Variants in AIFM3 observed in about 807,000 individuals in gnomAD.
AIFM3 encodes apoptosis-inducing factor 3.
In AIFM3, 71 loss-of-function variants were observed where a neutral mutation model predicts 82.7. That is an observed-to-expected ratio of 0.86 (90% confidence interval 0.71 to 1.05). The LOEUF (loss-of-function observed/expected upper bound fraction) is 1.05. Among genes scored for constraint, AIFM3 ranks in the 50% least tolerant of loss-of-function variants. The probability of loss-of-function intolerance (pLI) is 0.00; values close to 1 mark genes in which losing one functional copy is unlikely to be tolerated. For missense variants in AIFM3, 748 were observed against 816.7 expected, an observed-to-expected ratio of 0.92 and a Z score of 1.03; for synonymous variants, 337 against 329.1, an observed-to-expected ratio of 1.02 and a Z score of -0.26.
At position 20,974,799 on chromosome 22, in the gene AIFM3, C is replaced by T. The variant is rs553803201; in HGVS notation, c.703C>T (p.Arg235Cys). ...GCTAGACCGGCACCTTCCCTACGAC[C>T]GTCCCAAGCTCAGCAAGGTACAGGG... ...CTLDRHLPYD[R>C]PKLSKSLDTQ... The change falls in exon 8 of 21, where the codon CGT becomes TGT. Residue 235 changes from arginine (R) to cysteine (C), a missense_variant. Physicochemically the swap from Arg to Cys is radical, Grantham distance 180 (BLOSUM62 -3). This residue lies in a region of AIFM3 where 393 missense variants were observed against 481.1 expected (regional missense o/e 0.82). Coordinates refer to ENST00000440238, the MANE Select transcript of AIFM3 (RefSeq NM_001386814.1). The T allele has an allele frequency of 3.7e-6, 6 of 1,612,604 alleles. No homozygotes were observed. The highest frequency in any genetic ancestry group is 1.9e-4 in the Middle Eastern group (1 of 5,176).
At chr22:20,977,428 A>C (rs1467448659) in intron 14 of AIFM3, 6 of 601,932 alleles carry the variant, frequency 1.0e-5, no homozygotes, top group Non-Finnish European at 1.8e-5. Context: ...AGGTGGTAGC[A>C]CCTGCAGGGG....
At position 20,977,152 on chromosome 22, in the gene AIFM3, A is replaced by C. The variant is rs1923740519; in HGVS notation, c.1282+57A>C. On this transcript the variant is annotated intron_variant, in intron 14 of 20. Coordinates refer to ENST00000440238, the MANE Select transcript of AIFM3 (RefSeq NM_001386814.1). ...GCAGCCCAGCCGTCTGCACATGCTC[A>C]CATGTGACCTTGGGCTAGTCCCTTC... 6.2e-6 allele frequency: 10 copies of C among 1,601,982 alleles called. No homozygotes were observed. The South Asian group carries it at 1.1e-4, about 18-fold the overall frequency.
Position 20,980,046 on chromosome 22 carries a change from G to T in AIFM3, c.1679G>T (p.Ser560Ile), listed in dbSNP as rs767621376. ...GGCGACGAGGTGATCGCCGTGGCCA[G>T]CATGAACTACGATCCCATTGTGTCC... The part of the protein sequence containing the change: ...TKGDEVIAVA[S>I]MNYDPIVSKV... The change falls in exon 19 of 21, where the codon AGC becomes ATC. Residue 560 changes from serine to isoleucine, a missense_variant. Around this residue, in one of 5 missense-constraint regions of AIFM3, gnomAD observed 183 missense variants for 158.2 expected, o/e 1.16. Coordinates refer to ENST00000440238, the MANE Select transcript of AIFM3 (RefSeq NM_001386814.1). The T allele has an allele frequency of 2.5e-6, 4 of 1,611,258 alleles. No homozygotes were observed. Among genetic ancestry groups the T allele is most frequent in the African/African-American group, 1.3e-5 (1 of 74,940 alleles).
intron 2 of AIFM3, 24 bp downstream of exon 2, chr22:20,967,999 A>G (rs774770417): frequency 6.2e-7 from 1 of 1,611,528 alleles, no homozygotes; most frequent in South Asian, 1.1e-5. Flanking sequence ...TCTTGTCTCC[A>G]TCCTTTCTCC....
At chr22:20,969,845 G>T (rs1923160679) in intron 2 of AIFM3, among the ~76,000 whole-genome samples, 1 of 152,120 alleles carries the variant, frequency 6.6e-6, no homozygotes, top group African/African-American at 2.4e-5. Flanking sequence ...GACAGCATTT[G>T]GGGCCTGAGG....
chr22:20,980,907 GTCC>G, intron 20 of AIFM3, 82 bp from the exon 21 acceptor site: 1 of 1,610,266 alleles, frequency 6.2e-7, no homozygotes, highest in Non-Finnish European at 8.5e-7. Flanking sequence ...ACCCCCTGCT[GTCC>G]TCAAGGGCCA....
In AIFM3 at chr22:20,977,782, G is replaced by A. The variant is rs1166476155; in HGVS notation, c.1359+6G>A. On this transcript the variant is annotated splice_donor_region_variant and intron_variant, in intron 15 of 20. Transcript: ENST00000440238. ...GCTTCATCCCTGTCAACAAGGTGGGGTGGATGGCACTGGGTGGGGAGGACC... is the reference window on the plus strand; with the variant it reads ...GCTTCATCCCTGTCAACAAGGTGGGATGGATGGCACTGGGTGGGGAGGACC... The A allele has an allele frequency of 6.2e-7, 1 of 1,614,080 alleles. No individual in the cohort carries two copies. Among genetic ancestry groups the A allele is most frequent in the African/African-American group, 1.3e-5 (1 of 74,922 alleles).
At chr22:20,979,526 G>A in intron 17 of AIFM3, 101 bp from the exon 18 acceptor site, 1 of 1,499,374 alleles carries the variant, frequency 6.7e-7, no homozygotes, top group Non-Finnish European at 9.2e-7. Flanking sequence ...TACCTAAAAG[G>A]ACGTATGGAG....
Position 20,978,003 on chromosome 22 carries a change from A to G in AIFM3, c.1475A>G (p.Gln492Arg), listed in dbSNP as rs984215303. The G allele has an allele frequency of 3.1e-6, 5 of 1,613,980 alleles. No individual in the cohort carries two copies. Among genetic ancestry groups the G allele is most frequent in the Non-Finnish European group, 4.2e-6 (5 of 1,179,872 alleles). Residue 492 changes from glutamine to arginine, a missense_variant and splice_region_variant, in exon 16 of 21, where the codon CAG becomes CGG. This residue lies in a region of AIFM3 where 183 missense variants were observed against 158.2 expected (regional missense o/e 1.16). Transcript: ENST00000440238. ...NIPHWQMAHA[Q>R]GRVAAQNMLA... ...CCACATTGGCAGATGGCTCATGCTC[A>G]GGGTATGGCCAGTCCCGAGGCACAT...
rs773181558 is a variant in AIFM3, at chr22:20,980,141, G to T, written c.1757+17G>T. 6.2e-7 allele frequency: 1 copy of T among 1,603,104 alleles called. No individual in the cohort carries two copies. The highest frequency in any genetic ancestry group is 8.5e-7 in the Non-Finnish European group (1 of 1,179,310). ...GGAGGTGGAGTGAGTGTGGGTGTGG[G>T]AAGCCTGGGGGTGGGAGTAGTTCCC... On this transcript the variant is annotated intron_variant, in intron 19 of 20. Transcript: ENST00000440238.
intron 2 of AIFM3, among the ~76,000 whole-genome samples, chr22:20,969,690 A>G (rs1227739458): frequency 6.6e-6 from 1 of 152,066 alleles, no homozygotes; most frequent in Non-Finnish European, 1.5e-5. Flanking sequence ...CGGCCTCCCA[A>G]GGAATATTAT....
chr22:20,975,856 G>T lies in AIFM3; in HGVS notation c.807+78G>T, dbSNP rs540848359. 2.3e-5 allele frequency: 34 copies of T among 1,508,180 alleles called. No homozygotes were observed. The East Asian group carries it at 7.5e-4, about 33-fold the overall frequency. The allele number at this position is 1,508,180 out of a possible 1,614,324, so 93.4% of individuals were successfully genotyped here. ...AGGTTGTGTGGGCCCCTGGGGTGGG[G>T]TCTTGGTGCTCTACCTTCCTGGCCC... On this transcript the variant is annotated intron_variant, in intron 9 of 20. Transcript: ENST00000440238.
At position 20,970,967 on chromosome 22, in the gene AIFM3, G is replaced by A. The variant is rs117244454; in HGVS notation, c.32-2340G>A. Among the ~76,000 whole-genome samples, 304 of 152,376 alleles carry A rather than the reference G, an allele frequency of 2.0e-3. 7 individuals carry two copies. The East Asian group carries it at 0.028, about 14-fold the overall frequency. ...GGGGCTAAGGCAGGTCTTATGGGCA[G>A]CCAGAAGTCATGGAGCTGGGGCTGA... On this transcript the variant is annotated intron_variant, in intron 2 of 20. Coordinates refer to ENST00000440238, the MANE Select transcript of AIFM3 (RefSeq NM_001386814.1).
chr22:20,970,971 G>A (rs983305277), intron 2 of AIFM3, among the ~76,000 whole-genome samples: 1 of 152,254 alleles, frequency 6.6e-6, no homozygotes, highest in African/African-American at 2.4e-5. Flanking sequence ...TGGGCAGCCA[G>A]AAGTCATGGA....
intron 2 of AIFM3, 86 bp from the exon 3 acceptor site, chr22:20,973,221 C>G (rs1025982767): frequency 1.6e-5 from 24 of 1,480,518 alleles, no homozygotes; most frequent in Middle Eastern, 4.5e-4. Flanking sequence ...CCTGGCACCC[C>G]GAGGAGCTGG....
intron 2 of AIFM3, among the ~76,000 whole-genome samples, chr22:20,970,974 G>C (rs5997102): frequency 0.032 from 4,804 of 152,348 alleles, 281 homozygotes; most frequent in Admixed American, 0.14. Context: ...GCAGCCAGAA[G>C]TCATGGAGCT....
chr22:20,979,324 C>T lies in AIFM3; in HGVS notation c.1531C>T (p.Pro511Ser). ...GCAGGAGGCGGAGATGAGCACTGTGCCCTACCTCTGGACCGCCATGTTTGG... is the reference window on the plus strand; with the variant it reads ...GCAGGAGGCGGAGATGAGCACTGTGTCCTACCTCTGGACCGCCATGTTTGG... ...LAQEAEMSTV[P>S]YLWTAMFGKS... The change falls in exon 17 of 21, where the codon CCC (proline) becomes TCC (serine). Residue 511 changes from proline to serine, a missense_variant. Coordinates refer to ENST00000440238, the MANE Select transcript of AIFM3 (RefSeq NM_001386814.1). 4 of 1,560,588 alleles carry T rather than the reference C, an allele frequency of 2.6e-6. No individual in the cohort carries two copies. The highest frequency in any genetic ancestry group is 3.5e-6 in the Non-Finnish European group (4 of 1,152,030).
chr22:20,968,426 T>C (rs137898359), intron 2 of AIFM3, among the ~76,000 whole-genome samples: 11 of 152,128 alleles, frequency 7.2e-5, no homozygotes, highest in Middle Eastern at 3.4e-3. Context: ...CCTCTTAGAG[T>C]TGCTGTGAGG....
intron 14 of AIFM3, 136 bp from the exon 15 acceptor site, chr22:20,977,564 T>TGCATGAAG: frequency 9.9e-7 from 1 of 1,013,496 alleles, no homozygotes; most frequent in Non-Finnish European, 1.5e-6. Flanking sequence ...GGGACCAGGG[T>TGCATGAAG]GCATGAAGGC....
Sources: gnomAD v4.1 joint callset for allele counts (sites outside exome capture counted in the v4.1 genomes callset) on GRCh38, gnomAD v4.1.1 for gene constraint, gnomAD v4.1.1 regional missense constraint, MANE v1.5 for transcripts, NCBI Gene and HGNC (gene_info 2026-07-23, HGNC 2026-07-21) for gene names.